BCAT1: variants seen among roughly 807,000 people sequenced by gnomAD.
BCAT1 encodes the protein branched-chain-amino-acid aminotransferase, cytosolic.
A neutral mutation model predicts 52.4 loss-of-function variants in BCAT1; 48 were observed. The observed-to-expected ratio is 0.92, with a 90% CI of 0.73 to 1.16. The LOEUF (loss-of-function observed/expected upper bound fraction) is 1.16, where lower values mean the gene tolerates loss of function less well. BCAT1 is among the 50% of genes most tolerant of loss of function. The pLI is 0.00. For synonymous variants in BCAT1, 167 were observed against 161.3 expected, an observed-to-expected ratio of 1.04 and a Z score of -0.27; for missense variants, 451 against 457.1, an observed-to-expected ratio of 0.99 and a Z score of 0.12.
intron 1 of BCAT1, among the ~76,000 whole-genome samples, chr12:24,910,540 T>C (rs942458866): frequency 6.6e-6 from 1 of 152,074 alleles, no homozygotes; most frequent in Non-Finnish European, 1.5e-5. Context: ...CTAATAATAA[T>C]AAATCATGCC....
At position 24,885,358 on chromosome 12, in the gene BCAT1, A is replaced by G. The variant is rs552457358; in HGVS notation, c.280-3947T>C. Reference sequence around the variant, plus strand: ...CTAACAAAAGAAGTGAAAGATCCATAAGGAAAATATAAAACTTTACCAAGT... The same window carrying G: ...CTAACAAAAGAAGTGAAAGATCCATGAGGAAAATATAAAACTTTACCAAGT... On this transcript the variant is annotated intron_variant, in intron 3 of 10. Transcript: ENST00000261192. 7.9e-5 allele frequency among the ~76,000 whole-genome samples: 12 copies of G among 152,294 alleles called. No individual in the cohort carries two copies. In the South Asian group the frequency reaches 1.0e-3, roughly 13 times the overall value.
intron 1 of BCAT1, among the ~76,000 whole-genome samples, chr12:24,924,656 T>TA (rs767734123): frequency 3.3e-5 from 5 of 151,526 alleles, no homozygotes; most frequent in East Asian, 1.9e-4. Context: ...ACAATGTCAT[T>TA]AAAAAAAATA....
At chr12:24,842,317 A>T in intron 6 of BCAT1, 93 bp from the exon 7 acceptor site, 1 of 1,377,648 alleles carries the variant, frequency 7.3e-7, no homozygotes, top group Non-Finnish European at 1.0e-6. Flanking sequence ...CTTAATTCAC[A>T]TGTGGACATA....
intron 3 of BCAT1, among the ~76,000 whole-genome samples, chr12:24,881,923 G>A (rs1173575904): frequency 6.6e-6 from 1 of 152,148 alleles, no homozygotes; most frequent in Non-Finnish European, 1.5e-5. Context: ...ACCATACTAT[G>A]TTAAGCCACG....
chr12:24,925,854 G>A (rs926642610), intron 1 of BCAT1, among the ~76,000 whole-genome samples: 1 of 151,180 alleles, frequency 6.6e-6, no homozygotes. Context: ...GGCCTCCCGA[G>A]GTGCCGGGAT....
At chr12:24,865,158 G>T (rs1417570502) in intron 5 of BCAT1, among the ~76,000 whole-genome samples, 2 of 152,060 alleles carry the variant, frequency 1.3e-5, no homozygotes, top group African/African-American at 2.4e-5. Flanking sequence ...TTAAAGACAA[G>T]AATCTATCCC....
intron 1 of BCAT1, among the ~76,000 whole-genome samples, chr12:24,948,459 T>TTCTCCCTCCCCTCTCC (rs1943968470): frequency 6.6e-6 from 1 of 152,174 alleles, no homozygotes; most frequent in Admixed American, 6.5e-5. Context: ...GAAAAGATCG[T>TTCTCCCTCCCCTCTCC]TCTCCCTCCC....
chr12:24,845,266 T>C (rs531093079), intron 6 of BCAT1, among the ~76,000 whole-genome samples: 14 of 150,686 alleles, frequency 9.3e-5, no homozygotes, highest in Non-Finnish European at 2.1e-4. Flanking sequence ...CATATGCTTC[T>C]AAATACAGAT....
intron 1 of BCAT1, among the ~76,000 whole-genome samples, chr12:24,906,121 T>C (rs900513922): frequency 6.6e-6 from 1 of 151,382 alleles, no homozygotes; most frequent in Non-Finnish European, 1.5e-5. Context: ...CTTGGTGAGG[T>C]TGAGGCTGCA....
chr12:24,883,534 G>A (rs554344877), intron 3 of BCAT1, among the ~76,000 whole-genome samples: 47 of 152,210 alleles, frequency 3.1e-4, no homozygotes, highest in East Asian at 3.9e-4. Flanking sequence ...TCAGGAATTG[G>A]AAGCTGCAGT....
intron 1 of BCAT1, among the ~76,000 whole-genome samples, chr12:24,914,518 C>T (rs930591615): frequency 1.3e-5 from 2 of 152,140 alleles, no homozygotes; most frequent in East Asian, 1.9e-4. Flanking sequence ...ATGAATCAAG[C>T]AATCAGATGT....
At chr12:24,885,922 G>A (rs1942650410) in intron 3 of BCAT1, among the ~76,000 whole-genome samples, 1 of 152,084 alleles carries the variant, frequency 6.6e-6, no homozygotes, top group Non-Finnish European at 1.5e-5. Flanking sequence ...AATACTATAA[G>A]ATATCTTTAT....
At chr12:24,835,583 ATTT>A (rs1326613118) in intron 8 of BCAT1, among the ~76,000 whole-genome samples, 2 of 117,728 alleles carry the variant, frequency 1.7e-5, no homozygotes, top group African/African-American at 5.3e-5. Context: ...TTATTTATTT[ATTT>A]ATTTATTTAA....
At chr12:24,853,506 C>T (rs1591808990) in intron 5 of BCAT1, among the ~76,000 whole-genome samples, 1 of 152,154 alleles carries the variant, frequency 6.6e-6, no homozygotes, top group Non-Finnish European at 1.5e-5. Context: ...ACGTTCACTA[C>T]TTGGGCAATG....
At chr12:24,876,260 TAAA>T (rs71448093) in intron 5 of BCAT1, among the ~76,000 whole-genome samples, 1 of 109,900 alleles carries the variant, frequency 9.1e-6, no homozygotes, top group African/African-American at 3.5e-5. Context: ...GAGGGAGATG[TAAA>T]AAAAAAAAAA....
chr12:24,898,520 C>CTTTT lies in BCAT1; in HGVS notation c.78+3290_78+3293dup, dbSNP rs71448094. Among the ~76,000 whole-genome samples the CTTTT allele has an allele frequency of 4.1e-3, 156 of 38,512 alleles. 32 individuals are homozygous for CTTTT. The highest frequency in any genetic ancestry group is 0.015 in the African/African-American group (141 of 9,330). 25.3% of individuals were successfully genotyped at this position (38,512 alleles called of 152,430 possible). A position where few individuals can be genotyped will look rare whatever the true frequency, so the allele number is the denominator to read the frequency against. On this transcript the variant is annotated intron_variant, in intron 2 of 10. Transcript: ENST00000261192. ...TGTTTCAGCCAGGGTTCAGTCAACA[C>CTTTT]TTTTTTTTTTTTTTTTTTTTTTTTT...
At chr12:24,893,206 T>G (rs1253763065) in intron 3 of BCAT1, among the ~76,000 whole-genome samples, 1 of 152,220 alleles carries the variant, frequency 6.6e-6, no homozygotes, top group East Asian at 1.9e-4. Flanking sequence ...CTGAGCCTCC[T>G]TTTATAATGG....
intron 2 of BCAT1, among the ~76,000 whole-genome samples, chr12:24,897,084 A>G (rs1942977715): frequency 6.6e-6 from 1 of 152,212 alleles, no homozygotes; most frequent in Non-Finnish European, 1.5e-5. Context: ...GCTAAGAAAC[A>G]TTTGGAGCCA....
At chr12:24,947,475 G>A (rs1052404943) in intron 1 of BCAT1, among the ~76,000 whole-genome samples, 10 of 152,146 alleles carry the variant, frequency 6.6e-5, no homozygotes, top group Non-Finnish European at 7.4e-5. Flanking sequence ...AATCAAGCTT[G>A]TGATAGCAAT....
Sources: gnomAD v4.1 joint callset for allele counts (sites outside exome capture counted in the v4.1 genomes callset) on GRCh38, gnomAD v4.1.1 for gene constraint, MANE v1.5 for transcripts, NCBI Gene and HGNC (gene_info 2026-07-23, HGNC 2026-07-21) for gene names.